The following OAS3 variants were observed in gnomAD, a reference collection of about 807,000 sequenced individuals.
OAS3 encodes the protein 2'-5'-oligoadenylate synthase 3.
OAS3 carries 107 observed loss-of-function variants against 113.0 expected under a neutral mutation model. That is an observed-to-expected ratio of 0.95 (90% CI 0.81 to 1.11). The LOEUF (loss-of-function observed/expected upper bound fraction) is 1.11. Ranked by LOEUF, OAS3 falls within the 50% of genes most tolerant of loss-of-function variation. The pLI is 0.00. For missense variants in OAS3, 1,258 were observed against 1,389.1 expected, an observed-to-expected ratio of 0.91 and a Z score of 1.50; for synonymous variants, 552 against 573.6, an observed-to-expected ratio of 0.96 and a Z score of 0.54.
At chr12:112,952,170 T>C (rs1212793239) in intron 7 of OAS3, among the ~76,000 whole-genome samples, 1 of 152,244 alleles carries the variant, frequency 6.6e-6, no homozygotes, top group African/African-American at 2.4e-5. Context: ...TCCTTGCAAT[T>C]CTGTAAATTT....
At chr12:112,967,181 A>G (rs577445037) in intron 12 of OAS3, among the ~76,000 whole-genome samples, 1 of 152,336 alleles carries the variant, frequency 6.6e-6, no homozygotes, top group African/African-American at 2.4e-5. Flanking sequence ...TTTCCAAGAT[A>G]GGTAAGCAGA....
Position 112,961,355 on chromosome 12 carries a change from T to A in OAS3, c.1833+109T>A. The A allele has an allele frequency of 5.8e-6, 6 of 1,030,930 alleles. No homozygotes were observed. The South Asian group carries it at 6.4e-5, about 11-fold the overall frequency. The allele number at this position is 1,030,930 out of a possible 1,614,324, so 63.9% of individuals were successfully genotyped here. A position where few individuals can be genotyped will look rare whatever the true frequency, so the allele number is the denominator to read the frequency against. Reference sequence around the variant, plus strand: ...TCTCCCCTCCTTTGCTTCTTATTGGTCATCCAGAGCAGAAGGACCGGCCTC... The same window carrying A: ...TCTCCCCTCCTTTGCTTCTTATTGGACATCCAGAGCAGAAGGACCGGCCTC... On this transcript the variant is annotated intron_variant, in intron 8 of 15. Transcript: ENST00000228928.
At chr12:112,965,637 T>TTAGA in intron 11 of OAS3, 107 bp from the exon 12 acceptor site, 1 of 958,108 alleles carries the variant, frequency 1.0e-6, no homozygotes, top group South Asian at 1.7e-5. Context: ...CACAGAGAGG[T>TTAGA]TAGATGACTT....
In OAS3 at chr12:112,962,683, C is replaced by T; in HGVS notation, c.1865C>T (p.Ala622Val). The T allele has an allele frequency of 1.2e-6, 2 of 1,614,030 alleles. No individual in the cohort carries two copies. Among genetic ancestry groups the T allele is most frequent in the Non-Finnish European group, 1.7e-6 (2 of 1,179,892 alleles). The change falls in exon 9 of 16, where the codon GCC becomes GTC. Residue 622 changes from alanine (A) to valine (V), a missense_variant. Ala to Val is a moderately conservative substitution (Grantham distance 64, BLOSUM62 0). Coordinates refer to ENST00000228928, the MANE Select transcript of OAS3 (RefSeq NM_006187.4). Reference sequence around the variant, plus strand: ...GCTCAGAACAAAGGAAAAGGACCAGCCCCTGCCTCTCTGCCCCCAGCCTAT... The same window carrying T: ...GCTCAGAACAAAGGAAAAGGACCAGTCCCTGCCTCTCTGCCCCCAGCCTAT... ...VAAQNKGKGP[A>V]PASLPPAYAL...
rs1199433049 is a variant in OAS3 at position 112,944,348 on chromosome 12, A to G, written c.461-128A>G. ...TTCCCAGTCCCCCGACTCCCATGTT[A>G]CCAGATTTCTTCCCCTCTGAATTCT... On this transcript the variant is annotated intron_variant, in intron 2 of 15. Transcript: ENST00000228928. 8 of 948,482 alleles carry G rather than the reference A, an allele frequency of 8.4e-6. No individual in the cohort carries two copies. The African/African-American group carries it at 1.1e-4, about 13-fold the overall frequency. 58.8% of individuals were successfully genotyped at this position (948,482 alleles called of 1,614,324 possible).
chr12:112,962,697 C>T lies in OAS3; in HGVS notation c.1879C>T (p.Pro627Ser), dbSNP rs772692854. 5 of 1,613,892 alleles carry T rather than the reference C, an allele frequency of 3.1e-6. No homozygotes were observed. The Admixed American group carries it at 5.0e-5, about 16-fold the overall frequency. ...AAAAGGACCAGCCCCTGCCTCTCTG[C>T]CCCCAGCCTATGCCCTGGAGCTCCT... Reference protein sequence around the residue: ...KGKGPAPASLPPAYALELLTI... With the variant: ...KGKGPAPASLSPAYALELLTI... The change falls in exon 9 of 16, where the codon CCC becomes TCC. Residue 627 changes from proline to serine, a missense_variant. Coordinates refer to ENST00000228928, the MANE Select transcript of OAS3 (RefSeq NM_006187.4).
At chr12:112,950,454 G>T in intron 6 of OAS3, 2 of 546,750 alleles carry the variant, frequency 3.7e-6, no homozygotes, top group Non-Finnish European at 6.5e-6. Context: ...CTGCAGTTTG[G>T]TCTGACTTAG....
intron 7 of OAS3, among the ~76,000 whole-genome samples, chr12:112,959,404 G>C (rs1323786255): frequency 6.6e-6 from 1 of 152,170 alleles, no homozygotes; most frequent in Non-Finnish European, 1.5e-5. Flanking sequence ...AGTTGGAAAT[G>C]CAGAAATCAC....
rs201269624 is a variant in OAS3, at chr12:112,963,359, G to T, written c.2131G>T (p.Gly711Cys). 6.4e-7 allele frequency: 1 copy of T among 1,561,304 alleles called. No homozygotes were observed. Among genetic ancestry groups the T allele is most frequent in the Non-Finnish European group, 8.7e-7 (1 of 1,152,324 alleles). ...TGATCCCACCTGGAACGTGGGCCAC[G>T]GTAGCTGGGAGCTGTTGGCCCAGGA... is the stretch of plus-strand genomic sequence containing the variant. ...PADPTWNVGH[G>C]SWELLAQEAA... The change falls in exon 10 of 16, where the codon GGT (glycine) becomes TGT (cysteine). Residue 711 changes from glycine (G) to cysteine (C), a missense_variant. Gly to Cys is a radical substitution (Grantham distance 159). Coordinates refer to ENST00000228928, the MANE Select transcript of OAS3 (RefSeq NM_006187.4). This position sits in a 1 kb window ranked among gnomAD's most constrained non-coding sequence, Gnocchi z 4.6.
chr12:112,958,984 G>T (rs926911886), intron 7 of OAS3, among the ~76,000 whole-genome samples: 2 of 152,220 alleles, frequency 1.3e-5, no homozygotes, highest in African/African-American at 4.8e-5. Context: ...GAGCTGCAGT[G>T]GGCTCCACCC....
At chr12:112,962,582 C>T (rs1047042582) in intron 8 of OAS3, 70 bp from the exon 9 acceptor site, 9 of 1,545,540 alleles carry the variant, frequency 5.8e-6, no homozygotes, top group Non-Finnish European at 8.0e-6. Context: ...CTTCCTGCCC[C>T]AAGTGCTTAT....
intron 7 of OAS3, among the ~76,000 whole-genome samples, chr12:112,959,261 G>A (rs7134788): frequency 0.3 from 45,661 of 152,014 alleles, 7,302 homozygotes; most frequent in African/African-American, 0.4. Flanking sequence ...CCTTTGGATA[G>A]GAAAGGGAAT....
intron 13 of OAS3, 126 bp from the exon 14 acceptor site, chr12:112,967,810 C>A: frequency 8.4e-7 from 1 of 1,187,118 alleles, no homozygotes; most frequent in Non-Finnish European, 1.2e-6. Flanking sequence ...TAATGCATGG[C>A]AAGGCATCTG....
chr12:112,940,511 G>A (rs1342949779), intron 1 of OAS3, among the ~76,000 whole-genome samples: 1 of 152,176 alleles, frequency 6.6e-6, no homozygotes, highest in Non-Finnish European at 1.5e-5. Flanking sequence ...CTCTGACAAT[G>A]TTTAGGAGTT....
intron 7 of OAS3, among the ~76,000 whole-genome samples, chr12:112,956,911 T>C (rs552424678): frequency 6.6e-6 from 1 of 152,342 alleles, no homozygotes; most frequent in African/African-American, 2.4e-5. Context: ...TCTGTCTCAT[T>C]GATCTGTTTA....
Position 112,962,913 on chromosome 12 carries a change from G to A in OAS3, c.2084+11G>A, listed in dbSNP as rs182799677. Reference sequence around the variant, plus strand: ...GCTTCGAAAACCCAGGTGAAGACCCGCTTCCCTTTGCCTGGCTTCATTATC... The same window carrying A: ...GCTTCGAAAACCCAGGTGAAGACCCACTTCCCTTTGCCTGGCTTCATTATC... On this transcript the variant is annotated intron_variant, in intron 9 of 15. Coordinates refer to ENST00000228928, the MANE Select transcript of OAS3 (RefSeq NM_006187.4). 165 of 1,611,834 alleles carry A rather than the reference G, an allele frequency of 1.0e-4. No individual in the cohort carries two copies. Among genetic ancestry groups the A allele is most frequent in the Non-Finnish European group, 1.3e-4 (156 of 1,178,164 alleles).
rs1408119681 is a variant in OAS3 at position 112,973,046 on chromosome 12, C to T, written c.*3073C>T. 2.0e-5 allele frequency: 3 copies of T among 152,048 alleles called. No individual in the cohort carries two copies. The highest frequency in any genetic ancestry group is 6.5e-5 in the Admixed American group (1 of 15,276). 9.4% of individuals were successfully genotyped at this position (152,048 alleles called of 1,614,324 possible). Reference sequence around the variant, plus strand: ...GGTGTCTATTCATAAGACTTATATCCAGCATATTCATAACTAGAGCCATAT... The same window carrying T: ...GGTGTCTATTCATAAGACTTATATCTAGCATATTCATAACTAGAGCCATAT... On this transcript the variant is annotated 3_prime_UTR_variant, in exon 16 of 16. Coordinates refer to ENST00000228928, the MANE Select transcript of OAS3 (RefSeq NM_006187.4).
chr12:112,949,641 T>G (rs893037872), intron 6 of OAS3, among the ~76,000 whole-genome samples: 4 of 152,188 alleles, frequency 2.6e-5, no homozygotes, highest in African/African-American at 9.7e-5. Flanking sequence ...CATTTGGCTC[T>G]CTCTCTCTCG....
In OAS3 at chr12:112,972,171, C is replaced by T. The variant is rs1392254985; in HGVS notation, c.*2198C>T. 3 of 152,282 alleles carry T rather than the reference C, an allele frequency of 2.0e-5. No homozygotes were observed. Among genetic ancestry groups the T allele is most frequent in the Non-Finnish European group, 4.4e-5 (3 of 68,096 alleles). 9.4% of individuals were successfully genotyped at this position (152,282 alleles called of 1,614,324 possible). ...CATTCCCACCACACAGACTCTGGGC[C>T]TCCCCGCAAAATGGCTCCAGAATTA... On this transcript the variant is annotated 3_prime_UTR_variant, in exon 16 of 16. Transcript: ENST00000228928.
Sources: gnomAD v4.1 joint callset for allele counts (sites outside exome capture counted in the v4.1 genomes callset) on GRCh38, gnomAD v4.1.1 for gene constraint, Gnocchi (gnomAD v3.1) non-coding constraint, MANE v1.5 for transcripts, NCBI Gene and HGNC (gene_info 2026-07-23, HGNC 2026-07-21) for gene names.